TMEM132E: variants seen among roughly 807,000 people sequenced by gnomAD.
TMEM132E encodes transmembrane protein 132E.
A neutral mutation model predicts 78.5 loss-of-function variants in TMEM132E; 49 were observed. That is an observed-to-expected ratio of 0.62 (90% CI 0.50 to 0.79). The LOEUF is 0.79. Ranked by LOEUF, TMEM132E falls within the 30% of genes least tolerant of loss-of-function variation. The pLI, the probability that TMEM132E is intolerant of heterozygous loss-of-function variation, is 0.00. For missense variants in TMEM132E, 1,403 were observed against 1,470.9 expected, an observed-to-expected ratio of 0.95 and a Z score of 0.75; for synonymous variants, 715 against 670.6, an observed-to-expected ratio of 1.07 and a Z score of -1.02.
intron 1 of TMEM132E, among the ~76,000 whole-genome samples, chr17:34,622,966 T>C (rs1002810352): frequency 6.6e-6 from 1 of 151,968 alleles, no homozygotes; most frequent in African/African-American, 2.4e-5. Context: ...ATCAGGAGTA[T>C]GTCCCTAAAC....
intron 1 of TMEM132E, among the ~76,000 whole-genome samples, chr17:34,599,475 C>T (rs549519672): frequency 6.7e-4 from 102 of 152,190 alleles, no homozygotes; most frequent in Non-Finnish European, 1.1e-3. Flanking sequence ...AACTGAATGG[C>T]TGATGCCACT....
chr17:34,632,919 C>T lies in TMEM132E; in HGVS notation c.1688+10C>T, dbSNP rs766952027. 8 of 1,613,836 alleles carry T rather than the reference C, an allele frequency of 5.0e-6. No individual in the cohort carries two copies. The African/African-American group carries it at 8.0e-5, about 16-fold the overall frequency. On this transcript the variant is annotated intron_variant, in intron 6 of 8. Transcript: ENST00000631683. Reference sequence around the variant, plus strand: ...TCCTCCCCGACCGGAGGTACAGCCCCTCTCCCATGGCGGATACTTGGGAAA... The same window carrying T: ...TCCTCCCCGACCGGAGGTACAGCCCTTCTCCCATGGCGGATACTTGGGAAA...
chr17:34,602,551 A>C (rs774980245), intron 1 of TMEM132E, among the ~76,000 whole-genome samples: 45 of 152,166 alleles, frequency 3.0e-4, no homozygotes, highest in Non-Finnish European at 5.9e-4. Flanking sequence ...TCCATTCTTG[A>C]CAGGTGAGAG....
Position 34,580,837 on chromosome 17 carries a change from G to T in TMEM132E, c.-240G>T, listed in dbSNP as rs928169189. ...GATCCTGCAGGGGGCACCAGCTGGG[G>T]GAGGTGGAGGCTCCTCCCGCCCGGA... On this transcript the variant is annotated 5_prime_UTR_variant, in exon 1 of 9. Transcript: ENST00000631683. The T allele has an allele frequency of 1.3e-5, 6 of 454,612 alleles. No individual in the cohort carries two copies. Among genetic ancestry groups the T allele is most frequent in the African/African-American group, 1.2e-4 (6 of 48,466 alleles). The allele number at this position is 454,612 out of a possible 1,614,324, so 28.2% of individuals were successfully genotyped here.
intron 1 of TMEM132E, among the ~76,000 whole-genome samples, chr17:34,623,410 C>CG (rs1254118665): frequency 3.3e-5 from 5 of 151,336 alleles, no homozygotes; most frequent in African/African-American, 1.2e-4. Context: ...CTCCCCCCCC[C>CG]CCCCCCGTCC....
chr17:34,635,882 T>A, intron 7 of TMEM132E, 125 bp from the exon 8 acceptor site: 1 of 1,015,252 alleles, frequency 9.8e-7, no homozygotes, highest in Non-Finnish European at 1.3e-6. Flanking sequence ...AAGTCCTGCC[T>A]CCCAGCCTGC....
At chr17:34,588,808 C>T (rs1905763995) in intron 1 of TMEM132E, among the ~76,000 whole-genome samples, 1 of 152,186 alleles carries the variant, frequency 6.6e-6, no homozygotes, top group South Asian at 2.1e-4. Context: ...GGCTGGAGTG[C>T]AGTGGTGCCA....
At position 34,626,510 on chromosome 17, in the gene TMEM132E, C is replaced by A; in HGVS notation, c.451C>A (p.Arg151=). The change falls in exon 2 of 9, where the codon CGG becomes AGG. Residue 151 remains arginine, a synonymous_variant. Coordinates refer to ENST00000631683, the MANE Select transcript of TMEM132E (RefSeq NM_001304438.2). ...VVQVLFYVAG[R]DWDDFGVTER... ...CCAGGTGCTGTTCTACGTAGCCGGC[C>A]GGGACTGGGACGACTTCGGCGTCAC... The A allele has an allele frequency of 6.2e-7, 1 of 1,609,138 alleles. No individual in the cohort carries two copies. The highest frequency in any genetic ancestry group is 8.5e-7 in the Non-Finnish European group (1 of 1,179,370).
chr17:34,582,167 G>A (rs1419679851), intron 1 of TMEM132E, among the ~76,000 whole-genome samples: 1 of 151,912 alleles, frequency 6.6e-6, no homozygotes, highest in Admixed American at 6.6e-5. Flanking sequence ...GGGGGGCGGG[G>A]GTGTTTCGAT....
intron 6 of TMEM132E, 68 bp from the exon 7 acceptor site, chr17:34,634,731 G>A: frequency 3.3e-6 from 5 of 1,507,490 alleles, no homozygotes; most frequent in Non-Finnish European, 4.5e-6. Flanking sequence ...GGGCAAGGGT[G>A]CGGGGTGTGT....
chr17:34,627,982 A>G (rs1367305308), intron 2 of TMEM132E, among the ~76,000 whole-genome samples: 1 of 152,246 alleles, frequency 6.6e-6, no homozygotes, highest in Non-Finnish European at 1.5e-5. Context: ...ATTGGAGTGC[A>G]GCTGAAGTGT....
chr17:34,626,782 G>C lies in TMEM132E; in HGVS notation c.723G>C (p.Ala241=), dbSNP rs548238307. Residue 241 remains alanine (A), a synonymous_variant, in exon 2 of 9, where the codon GCG becomes GCC. Transcript: ENST00000631683. ...ACTACACGCTCCACGCCCCTGATGC[G>C]TCGGGGGGCTGCGGGGGCTCCCGCC... ...ELYYTLHAPD[A]SGGCGGSRRG... 15 of 1,490,620 alleles carry C rather than the reference G, an allele frequency of 1.0e-5. No homozygotes were observed. In the Admixed American group the frequency reaches 2.6e-4, roughly 26 times the overall value. 92.3% of individuals were successfully genotyped at this position (1,490,620 alleles called of 1,614,324 possible). A position where few individuals can be genotyped will look rare whatever the true frequency, so the allele number is the denominator to read the frequency against.
chr17:34,581,136 C>A lies in TMEM132E; in HGVS notation c.60C>A (p.Leu20=). Residue 20 remains leucine, a synonymous_variant, in exon 1 of 9, where the codon CTC becomes CTA. Coordinates refer to ENST00000631683, the MANE Select transcript of TMEM132E (RefSeq NM_001304438.2). Reference sequence around the variant, plus strand: ...CCCTGCTCTGCCTCTCAGCGCTACTCGCCCACGGTAAGTGTCGCGGCGCGG... The same window carrying A: ...CCCTGCTCTGCCTCTCAGCGCTACTAGCCCACGGTAAGTGTCGCGGCGCGG... ...GAALLCLSAL[L]AHASGRSHPA... 2 of 1,519,960 alleles carry A rather than the reference C, an allele frequency of 1.3e-6. No individual in the cohort carries two copies. The highest frequency in any genetic ancestry group is 1.2e-5 in the South Asian group (1 of 81,438). 94.2% of individuals were successfully genotyped at this position (1,519,960 alleles called of 1,614,324 possible).
At chr17:34,635,906 C>T in intron 7 of TMEM132E, 101 bp from the exon 8 acceptor site, 3 of 1,204,892 alleles carry the variant, frequency 2.5e-6, no homozygotes, top group Non-Finnish European at 3.2e-6. Flanking sequence ...ACCCTTCAGG[C>T]CCCTCTTCCA....
chr17:34,612,305 A>G (rs1047191502), intron 1 of TMEM132E, among the ~76,000 whole-genome samples: 5 of 152,206 alleles, frequency 3.3e-5, no homozygotes, highest in Admixed American at 2.0e-4. Flanking sequence ...GAAGTGGTCA[A>G]TTCGGGGCTG....
chr17:34,582,124 A>G (rs1027453192), intron 1 of TMEM132E, among the ~76,000 whole-genome samples: 2 of 150,944 alleles, frequency 1.3e-5, no homozygotes, highest in South Asian at 2.1e-4. Flanking sequence ...GACCTGGGAT[A>G]CATTTTCTTA....
chr17:34,637,509 G>A lies in TMEM132E; in HGVS notation c.2502G>A (p.Gly834=). ...YPGPSQPGPG[G]GEDEARGAGP... ...GCCCCAGCCAACCAGGGCCCGGCGG[G>A]GGCGAGGACGAGGCCCGGGGAGCTG... is the stretch of plus-strand genomic sequence containing the variant. Residue 834 remains glycine, a synonymous_variant, in exon 9 of 9, where the codon GGG becomes GGA. Transcript: ENST00000631683. 1.2e-6 allele frequency: 2 copies of A among 1,605,702 alleles called. No homozygotes were observed. The highest frequency in any genetic ancestry group is 1.7e-6 in the Non-Finnish European group (2 of 1,176,858).
At chr17:34,624,698 A>G (rs1428928917) in intron 1 of TMEM132E, among the ~76,000 whole-genome samples, 1 of 152,160 alleles carries the variant, frequency 6.6e-6, no homozygotes, top group Non-Finnish European at 1.5e-5. Flanking sequence ...GAGTCCTAGG[A>G]GAAAAAGGAT....
Position 34,638,376 on chromosome 17 carries a change from G to A in TMEM132E, c.*144G>A, listed in dbSNP as rs1907623181. On this transcript the variant is annotated 3_prime_UTR_variant, in exon 9 of 9. Coordinates refer to ENST00000631683, the MANE Select transcript of TMEM132E (RefSeq NM_001304438.2). ...CCCCTGCAGCTTGGCTCCGTGCGGA[G>A]CGGGCCGCCTCAGTGTCTGGGCCTT... 3.3e-6 allele frequency: 3 copies of A among 922,628 alleles called. No individual in the cohort carries two copies. Among genetic ancestry groups the A allele is most frequent in the Non-Finnish European group, 4.7e-6 (3 of 636,882 alleles). The allele number at this position is 922,628 out of a possible 1,614,324, so 57.2% of individuals were successfully genotyped here. A position where few individuals can be genotyped will look rare whatever the true frequency, so the allele number is the denominator to read the frequency against.
Sources: allele counts gnomAD v4.1 joint callset (sites outside exome capture counted in the v4.1 genomes callset), GRCh38; gene constraint gnomAD v4.1.1; transcripts MANE v1.5; gene names NCBI Gene and HGNC (gene_info 2026-07-23, HGNC 2026-07-21).